ABCB5: variants seen among roughly 807,000 people sequenced by gnomAD.
The protein encoded by ABCB5 is ATP binding cassette subfamily B member 5, also known as ATP-binding cassette sub-family B member 5.
Under a neutral mutation model 144.2 loss-of-function variants are expected in ABCB5, and 155 were observed. The ratio of observed to expected loss-of-function variants is 1.08; its 90% CI spans 0.94 to 1.23. The LOEUF (loss-of-function observed/expected upper bound fraction) is 1.23, where lower values mean the gene tolerates loss of function less well. Ranked by LOEUF, ABCB5 falls within the 50% of genes most tolerant of loss-of-function variation. The pLI is 0.00. For synonymous variants in ABCB5, 610 were observed against 528.6 expected, an observed-to-expected ratio of 1.15 and a Z score of -2.11; for missense variants, 1,830 against 1,520.8, an observed-to-expected ratio of 1.20 and a Z score of -3.38.
intron 15 of ABCB5, among the ~76,000 whole-genome samples, chr7:20,682,876 C>G (rs1785873463): frequency 1.3e-5 from 2 of 152,270 alleles, no homozygotes; most frequent in African/African-American, 4.8e-5. Context: ...TTGCGTGTGT[C>G]ATGGATCCAC....
intron 20 of ABCB5, among the ~76,000 whole-genome samples, chr7:20,714,691 T>C (rs2128047210): frequency 1.3e-5 from 2 of 152,294 alleles, no homozygotes; most frequent in Admixed American, 6.5e-5. Context: ...AAGGATATAA[T>C]TCTATTTTCC....
intron 14 of ABCB5, chr7:20,659,564 C>G (rs913262628): frequency 1.0e-6 from 1 of 997,134 alleles, no homozygotes; most frequent in Non-Finnish European, 1.2e-6. Flanking sequence ...GTTTCCCTCC[C>G]ATAATAACAA....
At chr7:20,731,345 T>C (rs1782207281) in intron 23 of ABCB5, among the ~76,000 whole-genome samples, 1 of 107,506 alleles carries the variant, frequency 9.3e-6, no homozygotes, top group Non-Finnish European at 1.8e-5. Context: ...AGAGCAAGAC[T>C]CCAACTCAGG....
chr7:20,687,666 A>G (rs1201743492), intron 16 of ABCB5, among the ~76,000 whole-genome samples: 2 of 152,248 alleles, frequency 1.3e-5, no homozygotes, highest in Admixed American at 6.5e-5. Flanking sequence ...CATATTTTTA[A>G]GGGACTCTTT....
intron 25 of ABCB5, among the ~76,000 whole-genome samples, chr7:20,744,132 T>G (rs1302554682): frequency 6.6e-6 from 1 of 152,166 alleles, no homozygotes; most frequent in African/African-American, 2.4e-5. Flanking sequence ...TGGCGTGATC[T>G]CTGCTCACTG....
At chr7:20,672,339 T>A (rs1785475952) in intron 14 of ABCB5, among the ~76,000 whole-genome samples, 1 of 151,048 alleles carries the variant, frequency 6.6e-6, no homozygotes, top group African/African-American at 2.5e-5. Context: ...TTTTTTTTTT[T>A]CTTTTACAAA....
At chr7:20,705,974 T>A (rs988220572) in intron 20 of ABCB5, among the ~76,000 whole-genome samples, 12 of 152,142 alleles carry the variant, frequency 7.9e-5, no homozygotes, top group African/African-American at 2.7e-4. Flanking sequence ...GAGAGGAAAG[T>A]GGGCATCTTC....
At chr7:20,645,298 C>T (rs1013361290) in intron 7 of ABCB5, among the ~76,000 whole-genome samples, 2 of 152,146 alleles carry the variant, frequency 1.3e-5, no homozygotes, top group Admixed American at 6.5e-5. Context: ...GAGTATTATT[C>T]CGCTTCTGCT....
At chr7:20,699,143 G>A (rs1218736207) in intron 17 of ABCB5, among the ~76,000 whole-genome samples, 1 of 152,144 alleles carries the variant, frequency 6.6e-6, no homozygotes, top group Non-Finnish European at 1.5e-5. Flanking sequence ...GCCTCACCTT[G>A]CAGGTACTAC....
intron 16 of ABCB5, among the ~76,000 whole-genome samples, chr7:20,688,207 A>G (rs1450877954): frequency 5.3e-5 from 8 of 152,088 alleles, no homozygotes; most frequent in Admixed American, 3.9e-4. Flanking sequence ...AACAAACCAA[A>G]AAACAAAATA....
intron 20 of ABCB5, among the ~76,000 whole-genome samples, chr7:20,717,014 G>C (rs1781695009): frequency 6.6e-6 from 1 of 152,070 alleles, no homozygotes; most frequent in Non-Finnish European, 1.5e-5. Context: ...GCACTTACCC[G>C]ACCTGAACGC....
Position 20,727,101 on chromosome 7 carries a change from T to G in ABCB5, c.2687T>G (p.Phe896Cys). The change falls in exon 22 of 28, where the codon TTC becomes TGC. Residue 896 changes from phenylalanine to cysteine, a missense_variant. By Grantham distance (205) the Phe-to-Cys change is radical (BLOSUM62 -2). Coordinates refer to ENST00000404938, the MANE Select transcript of ABCB5 (RefSeq NM_001163941.2). ...TIVSLTREKA[F>C]EQMYEEMLQT... is the part of the protein sequence containing the mutation. ...GTGTCATTAACAAGGGAAAAAGCCTTCGAGCAAATGTATGAAGAGATGCTT... is the reference window on the plus strand; with the variant it reads ...GTGTCATTAACAAGGGAAAAAGCCTGCGAGCAAATGTATGAAGAGATGCTT... 4 of 1,613,742 alleles carry G rather than the reference T, an allele frequency of 2.5e-6. No homozygotes were observed. The highest frequency in any genetic ancestry group is 3.4e-6 in the Non-Finnish European group (4 of 1,179,822).
In ABCB5 at chr7:20,726,105, C is replaced by G. The variant is rs576822196; in HGVS notation, c.2626-935C>G. Among the ~76,000 whole-genome samples the G allele has an allele frequency of 2.0e-5, 3 of 152,320 alleles. No individual in the cohort carries two copies. The South Asian group carries it at 6.2e-4, about 32-fold the overall frequency. ...AAAAGCTATTCTAAACCAAAACTCT[C>G]TTCCATTTTGAATCCCATGTAATTA... On this transcript the variant is annotated intron_variant, in intron 21 of 27. Transcript: ENST00000404938.
At chr7:20,637,496 C>T (rs1468908211) in intron 5 of ABCB5, among the ~76,000 whole-genome samples, 2 of 151,270 alleles carry the variant, frequency 1.3e-5, no homozygotes, top group Non-Finnish European at 2.9e-5. Flanking sequence ...TCTTGGCTCA[C>T]TGCAACCTCT....
intron 5 of ABCB5, among the ~76,000 whole-genome samples, chr7:20,637,614 T>C (rs1012274957): frequency 6.6e-6 from 1 of 151,974 alleles, no homozygotes; most frequent in Non-Finnish European, 1.5e-5. Context: ...GAAATGGGGG[T>C]TCTCCATGTT....
rs1562572832 is a variant in ABCB5, at chr7:20,710,383, T to TAAA, written c.2421+5576_2421+5577insAAA. ...ACTCCACCTCAAAAAAAAAAAAAAG[T>TAAA]GGGGGGGGGGCATGACTGTGTTTCA... is the stretch of plus-strand genomic sequence containing the variant. On this transcript the variant is annotated intron_variant, in intron 20 of 27. Transcript: ENST00000404938. Among the ~76,000 whole-genome samples the TAAA allele has an allele frequency of 5.8e-5, 4 of 69,084 alleles. 1 individual carries two copies. The highest frequency in any genetic ancestry group is 5.6e-4 in the East Asian group (1 of 1,798). The allele number at this position is 69,084 out of a possible 152,430, so 45.3% of individuals were successfully genotyped here.
At chr7:20,689,296 T>C (rs952351773) in intron 16 of ABCB5, among the ~76,000 whole-genome samples, 1 of 152,068 alleles carries the variant, frequency 6.6e-6, no homozygotes. Context: ...ACAGCTGTGG[T>C]TCACTGGATG....
Position 20,700,041 on chromosome 7 carries a change from G to A in ABCB5, c.2260-17G>A. 2 of 1,611,608 alleles carry A rather than the reference G, an allele frequency of 1.2e-6. No homozygotes were observed. The highest frequency in any genetic ancestry group is 8.5e-7 in the Non-Finnish European group (1 of 1,178,658). On this transcript the variant is annotated splice_polypyrimidine_tract_variant and intron_variant, in intron 18 of 27. Coordinates refer to ENST00000404938, the MANE Select transcript of ABCB5 (RefSeq NM_001163941.2). ...ACAAAGGAAAAGAACGTAGATTTTT[G>A]TTTGTTTGCTTTTCAGGGATTATTT...
intron 3 of ABCB5, 79 bp from the exon 4 acceptor site, chr7:20,628,609 G>A: frequency 7.1e-7 from 1 of 1,403,124 alleles, no homozygotes. Flanking sequence ...AAGGCTGTAG[G>A]CTGTTGTGTG....
Sources: allele counts gnomAD v4.1 joint callset (sites outside exome capture counted in the v4.1 genomes callset), GRCh38; gene constraint gnomAD v4.1.1; transcripts MANE v1.5; gene names NCBI Gene and HGNC (gene_info 2026-07-23, HGNC 2026-07-21).